The following PRR7 variants were observed in gnomAD, a reference collection of about 807,000 sequenced individuals.
The protein encoded by PRR7 is proline rich 7, synaptic.
PRR7 carries 8 observed loss-of-function variants against 18.5 expected under a neutral mutation model. The observed-to-expected ratio is 0.43, with a 90% confidence interval of 0.25 to 0.78. The LOEUF is 0.78. Ranked by LOEUF, PRR7 falls within the 30% of genes least tolerant of loss-of-function variation. The pLI is 0.22. For missense variants in PRR7, 396 were observed against 403.1 expected (o/e 0.98, Z 0.15); for synonymous variants, 221 against 187.7 (o/e 1.18, Z -1.45).
At chr5:177,447,976 C>G (rs1755982426) in intron 1 of PRR7, among the ~76,000 whole-genome samples, 1 of 152,214 alleles carries the variant, frequency 6.6e-6, no homozygotes, top group South Asian at 2.1e-4. Flanking sequence ...GCCAGGGGAG[C>G]TCCTCTGGGA....
chr5:177,456,257 A>C lies in PRR7; in HGVS notation c.*136A>C. On this transcript the variant is annotated 3_prime_UTR_variant, in exon 4 of 4. Coordinates refer to ENST00000323249, the MANE Select transcript of PRR7 (RefSeq NM_030567.5). ...ATCCCGTTTGTTACATTTTGAGGAT[A>C]ATAAAGGTGTGTGATCTGGTTTGGT... 1 of 1,139,904 alleles carries C rather than the reference A, an allele frequency of 8.8e-7. No individual in the cohort carries two copies. Among genetic ancestry groups the C allele is most frequent in the Non-Finnish European group, 1.2e-6 (1 of 851,490 alleles). 70.6% of individuals were successfully genotyped at this position (1,139,904 alleles called of 1,614,324 possible). A position where few individuals can be genotyped will look rare whatever the true frequency, so the allele number is the denominator to read the frequency against.
At chr5:177,451,971 CAG>C (rs1209750068) in intron 1 of PRR7, among the ~76,000 whole-genome samples, 1 of 152,200 alleles carries the variant, frequency 6.6e-6, no homozygotes, top group African/African-American at 2.4e-5. Flanking sequence ...GATGAGGAAA[CAG>C]AGGCAACTTG....
At position 177,455,605 on chromosome 5, in the gene PRR7, GGGC is replaced by G; in HGVS notation, c.428-110_428-108del. On this transcript the variant is annotated intron_variant, in intron 3 of 3. Coordinates refer to ENST00000323249, the MANE Select transcript of PRR7 (RefSeq NM_030567.5). This position sits in a 1 kb window ranked among gnomAD's most constrained non-coding sequence, Gnocchi z 6.9. ...CCATCCGCAGCCTCCGGGAGAACACGGGCGGCGGCGGGCTCGGGTTCGGGCTAG... is the reference window on the plus strand; with the variant it reads ...CCATCCGCAGCCTCCGGGAGAACACGGGCGGCGGGCTCGGGTTCGGGCTAG... 1 of 1,396,634 alleles carries G rather than the reference GGGC, an allele frequency of 7.2e-7. No individual in the cohort carries two copies. Among genetic ancestry groups the G allele is most frequent in the Non-Finnish European group, 9.3e-7 (1 of 1,075,324 alleles). 86.5% of individuals were successfully genotyped at this position (1,396,634 alleles called of 1,614,324 possible).
Position 177,455,883 on chromosome 5 carries a change from A to G in PRR7, c.587A>G (p.Gln196Arg). The change falls in exon 4 of 4, where the codon CAG (glutamine) becomes CGG (arginine). Residue 196 changes from glutamine (Q) to arginine (R), a missense_variant. Coordinates refer to ENST00000323249, the MANE Select transcript of PRR7 (RefSeq NM_030567.5). The surrounding 1 kb of genome is among the most constrained non-coding windows in gnomAD (Gnocchi z 6.9). ...SRRDSAEKQE[Q>R]PPPSYKPLFL... ...CGCGACAGCGCGGAGAAGCAGGAGC[A>G]GCCGCCTCCCAGCTACAAGCCGCTC... 6.2e-7 allele frequency: 1 copy of G among 1,610,686 alleles called. No individual in the cohort carries two copies.
Position 177,456,249 on chromosome 5 carries a change from T to C in PRR7, c.*128T>C. 1 of 1,196,088 alleles carries C rather than the reference T, an allele frequency of 8.4e-7. No individual in the cohort carries two copies. Among genetic ancestry groups the C allele is most frequent in the African/African-American group, 1.6e-5 (1 of 61,836 alleles). The allele number at this position is 1,196,088 out of a possible 1,614,324, so 74.1% of individuals were successfully genotyped here. A position where few individuals can be genotyped will look rare whatever the true frequency, so the allele number is the denominator to read the frequency against. On this transcript the variant is annotated 3_prime_UTR_variant, in exon 4 of 4. Coordinates refer to ENST00000323249, the MANE Select transcript of PRR7 (RefSeq NM_030567.5). ...GATTTCTTATCCCGTTTGTTACATT[T>C]TGAGGATAATAAAGGTGTGTGATCT... is the stretch of plus-strand genomic sequence containing the variant.
Position 177,450,183 on chromosome 5 carries a change from G to A in PRR7, c.-325+3223G>A, listed in dbSNP as rs1416020645. Reference sequence around the variant, plus strand: ...GTATGCAAGGCACACAGGACAGGCTGTCAGTCTGTCCTGCCCCCCAGCCCT... The same window carrying A: ...GTATGCAAGGCACACAGGACAGGCTATCAGTCTGTCCTGCCCCCCAGCCCT... On this transcript the variant is annotated intron_variant, in intron 1 of 3. Transcript: ENST00000323249. The surrounding 1 kb of genome is among the most constrained non-coding windows in gnomAD (Gnocchi z 6.6). Among the ~76,000 whole-genome samples the A allele has an allele frequency of 3.3e-5, 5 of 152,114 alleles. No homozygotes were observed. Among genetic ancestry groups the A allele is most frequent in the Non-Finnish European group, 7.4e-5 (5 of 68,016 alleles).
rs760166067 is a variant in PRR7, at chr5:177,455,797, C to A, written c.501C>A (p.Ser167Arg). The A allele has an allele frequency of 6.2e-7, 1 of 1,611,664 alleles. No individual in the cohort carries two copies. Among genetic ancestry groups the A allele is most frequent in the African/African-American group, 1.3e-5 (1 of 74,966 alleles). ...VLMAEPPPPY[S>R]EVLTDTRGLY... is the part of the protein sequence containing the mutation. The stretch of plus-strand genomic sequence containing the variant: ...TGGCAGAGCCGCCGCCGCCCTATAG[C>A]GAGGTGCTCACGGACACGCGCGGCC... The change falls in exon 4 of 4, where the codon AGC (serine) becomes AGA (arginine). Residue 167 changes from serine (S) to arginine (R), a missense_variant. Coordinates refer to ENST00000323249, the MANE Select transcript of PRR7 (RefSeq NM_030567.5). This position sits in a 1 kb window ranked among gnomAD's most constrained non-coding sequence, Gnocchi z 6.9.
intron 1 of PRR7, among the ~76,000 whole-genome samples, chr5:177,453,718 T>G (rs1277545906): frequency 6.6e-6 from 1 of 151,896 alleles, no homozygotes; most frequent in Non-Finnish European, 1.5e-5. Flanking sequence ...AGGCTAGAGT[T>G]TTGTGGCCAG....
rs1052174351 is a variant in PRR7, at chr5:177,455,810, G to A, written c.514G>A (p.Asp172Asn). Residue 172 changes from aspartate (D) to asparagine (N), a missense_variant, in exon 4 of 4, where the codon GAC becomes AAC. Asp to Asn is a conservative substitution (Grantham distance 23). Coordinates refer to ENST00000323249, the MANE Select transcript of PRR7 (RefSeq NM_030567.5). This position sits in a 1 kb window ranked among gnomAD's most constrained non-coding sequence, Gnocchi z 6.9. Reference protein sequence around the residue: ...PPPPYSEVLTDTRGLYRKIVT... With the variant: ...PPPPYSEVLTNTRGLYRKIVT... Reference sequence around the variant, plus strand: ...GCCGCCCTATAGCGAGGTGCTCACGGACACGCGCGGCCTCTACCGCAAGAT... The same window carrying A: ...GCCGCCCTATAGCGAGGTGCTCACGAACACGCGCGGCCTCTACCGCAAGAT... 1 of 1,611,988 alleles carries A rather than the reference G, an allele frequency of 6.2e-7. No homozygotes were observed. Among genetic ancestry groups the A allele is most frequent in the Non-Finnish European group, 8.5e-7 (1 of 1,179,670 alleles).
At chr5:177,448,605 T>G (rs1468778872) in intron 1 of PRR7, among the ~76,000 whole-genome samples, 1 of 152,250 alleles carries the variant, frequency 6.6e-6, no homozygotes, top group African/African-American at 2.4e-5. Flanking sequence ...GCCTTCTTCC[T>G]TCACTTTCCT....
In PRR7 at chr5:177,456,271, A is replaced by T; in HGVS notation, c.*150A>T. 1 of 1,090,228 alleles carries T rather than the reference A, an allele frequency of 9.2e-7. No homozygotes were observed. 67.5% of individuals were successfully genotyped at this position (1,090,228 alleles called of 1,614,324 possible). ...ATTTTGAGGATAATAAAGGTGTGTG[A>T]TCTGGTTTGGTACAAGCGGAGGGTG... On this transcript the variant is annotated 3_prime_UTR_variant, in exon 4 of 4. Coordinates refer to ENST00000323249, the MANE Select transcript of PRR7 (RefSeq NM_030567.5).
chr5:177,455,922 G>T lies in PRR7; in HGVS notation c.626G>T (p.Gly209Val), dbSNP rs750003754. 6.8e-6 allele frequency: 11 copies of T among 1,606,450 alleles called. No individual in the cohort carries two copies. The highest frequency in any genetic ancestry group is 9.3e-6 in the Non-Finnish European group (11 of 1,178,624). ...TACAAGCCGCTCTTCCTGGACCGGG[G>T]CTACACCTCGGCGCTGCACCTGCCC... Reference protein sequence around the residue: ...PSYKPLFLDRGYTSALHLPSA... With the variant: ...PSYKPLFLDRVYTSALHLPSA... The change falls in exon 4 of 4, where the codon GGC becomes GTC. Residue 209 changes from glycine to valine, a missense_variant. Around this residue, in one of 2 missense-constraint regions of PRR7, gnomAD observed 383 missense variants for 372.6 expected, o/e 1.03. Transcript: ENST00000323249. The surrounding 1 kb of genome is among the most constrained non-coding windows in gnomAD (Gnocchi z 6.9).
rs1756284597 is a variant in PRR7 at position 177,454,211 on chromosome 5, G to A, written c.-240+171G>A. ...AGGGCGCCTGGAGGAAAGGAAGAGA[G>A]TGTGGCCCACGCCCGGCGCGGCGCG... On this transcript the variant is annotated intron_variant, in intron 2 of 3. Transcript: ENST00000323249. This position sits in a 1 kb window ranked among gnomAD's most constrained non-coding sequence, Gnocchi z 4.7. Among the ~76,000 whole-genome samples the A allele has an allele frequency of 1.3e-5, 2 of 152,252 alleles. No individual in the cohort carries two copies. Among genetic ancestry groups the A allele is most frequent in the African/African-American group, 4.8e-5 (2 of 41,478 alleles).
At position 177,450,960 on chromosome 5, in the gene PRR7, G is replaced by A. The variant is rs10038437; in HGVS notation, c.-324-2996G>A. Among the ~76,000 whole-genome samples, 5 of 152,202 alleles carry A rather than the reference G, an allele frequency of 3.3e-5. No individual in the cohort carries two copies. The highest frequency in any genetic ancestry group is 4.8e-5 in the African/African-American group (2 of 41,454). The stretch of plus-strand genomic sequence containing the variant: ...ATGCTAGATTGGCTCCTGAGGCAGC[G>A]TAGTGTTGTGAGGAGTGACTAGGCT... On this transcript the variant is annotated intron_variant, in intron 1 of 3. Transcript: ENST00000323249. This position sits in a 1 kb window ranked among gnomAD's most constrained non-coding sequence, Gnocchi z 6.6.
At position 177,451,109 on chromosome 5, in the gene PRR7, C is replaced by T. The variant is rs557381777; in HGVS notation, c.-324-2847C>T. Reference sequence around the variant, plus strand: ...GACAAATGCCACCCTGCAGAGGATGCGGCGGACGGAAGGAATGGTAGGCTC... The same window carrying T: ...GACAAATGCCACCCTGCAGAGGATGTGGCGGACGGAAGGAATGGTAGGCTC... On this transcript the variant is annotated intron_variant, in intron 1 of 3. Coordinates refer to ENST00000323249, the MANE Select transcript of PRR7 (RefSeq NM_030567.5). Among the ~76,000 whole-genome samples, 21 of 152,304 alleles carry T rather than the reference C, an allele frequency of 1.4e-4. No individual in the cohort carries two copies. In the South Asian group the frequency reaches 3.5e-3, roughly 26 times the overall value.
intron 1 of PRR7, among the ~76,000 whole-genome samples, chr5:177,452,385 G>A (rs1756201355): frequency 6.6e-6 from 1 of 152,246 alleles, no homozygotes; most frequent in Non-Finnish European, 1.5e-5. Context: ...GGAGCAGTAA[G>A]GGGGCATGGT....
In PRR7 at chr5:177,455,558, T is replaced by A; in HGVS notation, c.427+64T>A. The A allele has an allele frequency of 7.0e-7, 1 of 1,427,734 alleles. No homozygotes were observed. Among genetic ancestry groups the A allele is most frequent in the Non-Finnish European group, 9.1e-7 (1 of 1,100,778 alleles). The allele number at this position is 1,427,734 out of a possible 1,614,324, so 88.4% of individuals were successfully genotyped here. ...CGGAAGTGGGCGGGCGTTGGAGGGC[T>A]CGCTGCTTACCCTCAGGGCTTCCAT... is the stretch of plus-strand genomic sequence containing the variant. On this transcript the variant is annotated intron_variant, in intron 3 of 3. Coordinates refer to ENST00000323249, the MANE Select transcript of PRR7 (RefSeq NM_030567.5). This position sits in a 1 kb window ranked among gnomAD's most constrained non-coding sequence, Gnocchi z 6.9.
Position 177,455,106 on chromosome 5 carries a change from C to G in PRR7, c.39C>G (p.Cys13Trp), listed in dbSNP as rs1481629093. The G allele has an allele frequency of 2.0e-6, 3 of 1,513,582 alleles. No homozygotes were observed. Among genetic ancestry groups the G allele is most frequent in the Non-Finnish European group, 2.6e-6 (3 of 1,132,202 alleles). The allele number at this position is 1,513,582 out of a possible 1,614,324, so 93.8% of individuals were successfully genotyped here. The change falls in exon 3 of 4, where the codon TGC becomes TGG. Residue 13 changes from cysteine to tryptophan, a missense_variant. By Grantham distance (215) the Cys-to-Trp change is radical (BLOSUM62 -2). This residue lies in a region of PRR7 where 13 missense variants were observed against 30.6 expected (regional missense o/e 0.43). Coordinates refer to ENST00000323249, the MANE Select transcript of PRR7 (RefSeq NM_030567.5). This position sits in a 1 kb window ranked among gnomAD's most constrained non-coding sequence, Gnocchi z 6.9. ...MSQGTYTFLTCFAGFWLIWGL... is the reference protein window; with the variant it reads ...MSQGTYTFLTWFAGFWLIWGL... ...AGGGCACCTACACGTTCCTCACGTG[C>G]TTCGCCGGCTTCTGGCTCATCTGGG...
rs1297319616 is a variant in PRR7, at chr5:177,449,619, G to A, written c.-325+2659G>A. Among the ~76,000 whole-genome samples, 1 of 152,196 alleles carries A rather than the reference G, an allele frequency of 6.6e-6. No homozygotes were observed. The highest frequency in any genetic ancestry group is 2.4e-5 in the African/African-American group (1 of 41,442). On this transcript the variant is annotated intron_variant, in intron 1 of 3. Transcript: ENST00000323249. This position sits in a 1 kb window ranked among gnomAD's most constrained non-coding sequence, Gnocchi z 4.2. The stretch of plus-strand genomic sequence containing the variant: ...ATGAAGGCACAGAGAGCCACAGGCT[G>A]AGGTTTCAGAGGAGGAACCTGGTCT...
Sources: allele counts gnomAD v4.1 joint callset (sites outside exome capture counted in the v4.1 genomes callset), GRCh38; gene constraint gnomAD v4.1.1; regional missense constraint gnomAD v4.1.1; non-coding constraint Gnocchi (gnomAD v3.1); transcripts MANE v1.5; gene names NCBI Gene and HGNC (gene_info 2026-07-23, HGNC 2026-07-21).